CCDC88B: variants seen among roughly 807,000 people sequenced by gnomAD.
The protein encoded by CCDC88B is coiled-coil and HOOK domain protein 88B.
In CCDC88B, 138 loss-of-function variants were observed where a neutral mutation model predicts 183.7. The observed-to-expected ratio is 0.75, with a 90% CI of 0.65 to 0.87. CCDC88B has a LOEUF of 0.87. Among genes scored for constraint, CCDC88B ranks in the 40% least tolerant of loss-of-function variants. CCDC88B has a pLI of 0.00. For missense variants in CCDC88B, 1,822 were observed against 1,965.6 expected, an observed-to-expected ratio of 0.93 and a Z score of 1.38; for synonymous variants, 835 against 867.5, an observed-to-expected ratio of 0.96 and a Z score of 0.66.
intron 15 of CCDC88B, 38 bp downstream of exon 15, chr11:64,349,496 GGGTGT>G: frequency 6.3e-7 from 1 of 1,585,146 alleles, no homozygotes; most frequent in Non-Finnish European, 8.6e-7. Context: ...AGGGAGGCAG[GGGTGT>G]GGTGGGGCGA....
intron 12 of CCDC88B, 35 bp from the exon 13 acceptor site, chr11:64,343,743 A>C: frequency 1.3e-6 from 2 of 1,533,200 alleles, no homozygotes; most frequent in Non-Finnish European, 1.8e-6. Context: ...GCCAGGCAGT[A>C]AAGGAGGGGT....
At position 64,355,441 on chromosome 11, in the gene CCDC88B, C is replaced by G. The variant is rs765364266; in HGVS notation, c.4306+41C>G. On this transcript the variant is annotated intron_variant, in intron 25 of 26. Coordinates refer to ENST00000356786, the MANE Select transcript of CCDC88B (RefSeq NM_032251.6). ...CACTGTACCAGCCAGCCCCCCAACT[C>G]TTTGTGGACCCACCAGCTCCTTGGG... The G allele has an allele frequency of 1.5e-5, 23 of 1,583,090 alleles. No individual in the cohort carries two copies. The South Asian group carries it at 2.4e-4, about 16-fold the overall frequency.
In CCDC88B at chr11:64,353,695, T is replaced by A; in HGVS notation, c.3834-20T>A. On this transcript the variant is annotated intron_variant, in intron 22 of 26. Coordinates refer to ENST00000356786, the MANE Select transcript of CCDC88B (RefSeq NM_032251.6). Reference sequence around the variant, plus strand: ...CCTCCCTGGGCCTCACACCCACCTCTCCCTTCTCACTCCTGCCAGGGACCA... The same window carrying A: ...CCTCCCTGGGCCTCACACCCACCTCACCCTTCTCACTCCTGCCAGGGACCA... 6.2e-7 allele frequency: 1 copy of A among 1,613,350 alleles called. No homozygotes were observed. Among genetic ancestry groups the A allele is most frequent in the Non-Finnish European group, 8.5e-7 (1 of 1,179,640 alleles).
In CCDC88B at chr11:64,357,323, G is replaced by T; in HGVS notation, c.*229G>T. Reference sequence around the variant, plus strand: ...GGCCCCCACGAGCAGCTCCAGGCTGGAGTTCTGGTTCTTCCAGGTGGCTCC... The same window carrying T: ...GGCCCCCACGAGCAGCTCCAGGCTGTAGTTCTGGTTCTTCCAGGTGGCTCC... On this transcript the variant is annotated 3_prime_UTR_variant, in exon 27 of 27. Coordinates refer to ENST00000356786, the MANE Select transcript of CCDC88B (RefSeq NM_032251.6). 1 of 721,736 alleles carries T rather than the reference G, an allele frequency of 1.4e-6. No individual in the cohort carries two copies. Among genetic ancestry groups the T allele is most frequent in the South Asian group, 1.5e-5 (1 of 67,786 alleles). 44.7% of individuals were successfully genotyped at this position (721,736 alleles called of 1,614,324 possible). A position where few individuals can be genotyped will look rare whatever the true frequency, so the allele number is the denominator to read the frequency against.
Position 64,354,134 on chromosome 11 carries a change from A to T in CCDC88B, c.4063A>T (p.Thr1355Ser). 7.3e-7 allele frequency: 1 copy of T among 1,372,716 alleles called. No individual in the cohort carries two copies. Among genetic ancestry groups the T allele is most frequent in the Non-Finnish European group, 9.5e-7 (1 of 1,056,798 alleles). The allele number at this position is 1,372,716 out of a possible 1,614,324, so 85.0% of individuals were successfully genotyped here. ...CGAGAGCCTGGGGGGCCCCCCGGAG[A>T]CGGAGCTTCCTGAGGGCAGGGAGGC... ...STESLGGPPE[T>S]ELPEGREADG... The change falls in exon 24 of 27, where the codon ACG (threonine) becomes TCG (serine). Residue 1355 changes from threonine (T) to serine (S), a missense_variant. Coordinates refer to ENST00000356786, the MANE Select transcript of CCDC88B (RefSeq NM_032251.6).
In CCDC88B at chr11:64,344,890, A is replaced by G. The variant is rs1394244827; in HGVS notation, c.2349A>G (p.Ala783=). 2 of 1,594,864 alleles carry G rather than the reference A, an allele frequency of 1.3e-6. No homozygotes were observed. The highest frequency in any genetic ancestry group is 1.3e-5 in the African/African-American group (1 of 74,600). The change falls in exon 14 of 27, where the codon GCA becomes GCG. Residue 783 remains alanine, a synonymous_variant. Coordinates refer to ENST00000356786, the MANE Select transcript of CCDC88B (RefSeq NM_032251.6). This position sits in a 1 kb window ranked among gnomAD's most constrained non-coding sequence, Gnocchi z 4.5. ...RRAEAEAHRE[A]EAQAWEQARL... is the part of the protein sequence containing the mutation. ...CAGAGGCCGAGGCCCACCGGGAGGC[A>G]GAGGCCCAGGCCTGGGAGCAAGCCC...
Position 64,345,160 on chromosome 11 carries a change from A to G in CCDC88B, c.2616+3A>G. On this transcript the variant is annotated splice_donor_region_variant and intron_variant, in intron 14 of 26. Coordinates refer to ENST00000356786, the MANE Select transcript of CCDC88B (RefSeq NM_032251.6). ...GGGAGAAGGAGGCCCTCCAGGCGGT[A>G]GGTCAGGTTGGGGCTCACCGCTGGG... The G allele has an allele frequency of 6.5e-7, 1 of 1,539,030 alleles. No homozygotes were observed. The highest frequency in any genetic ancestry group is 8.7e-7 in the Non-Finnish European group (1 of 1,148,544).
At chr11:64,345,956 G>C (rs776976896) in intron 14 of CCDC88B, among the ~76,000 whole-genome samples, 4 of 152,230 alleles carry the variant, frequency 2.6e-5, no homozygotes, top group Non-Finnish European at 5.9e-5. Flanking sequence ...AGTGAGCTGA[G>C]ATTGTGCCAC....
intron 14 of CCDC88B, chr11:64,348,802 C>T: frequency 3.4e-6 from 2 of 583,278 alleles, no homozygotes; most frequent in Non-Finnish European, 6.2e-6. Flanking sequence ...GTGGTGCAGC[C>T]CAACCGCCAA....
chr11:64,352,931 T>C, intron 20 of CCDC88B, 44 bp downstream of exon 20: 1 of 1,525,130 alleles, frequency 6.6e-7, no homozygotes. Flanking sequence ...AGTGGCCCCA[T>C]CCTGAAAGTG....
rs763207752 is a variant in CCDC88B at position 64,352,132 on chromosome 11, C to T, written c.3102C>T (p.Ala1034=). 39 of 1,560,204 alleles carry T rather than the reference C, an allele frequency of 2.5e-5. No homozygotes were observed. The highest frequency in any genetic ancestry group is 2.1e-4 in the South Asian group (18 of 84,282). Residue 1034 remains alanine, a splice_region_variant and synonymous_variant, in exon 19 of 27, where the codon GCC becomes GCT. Coordinates refer to ENST00000356786, the MANE Select transcript of CCDC88B (RefSeq NM_032251.6). ...RAQEHSSRLQ[A]EKSVLEIQGQ... The stretch of plus-strand genomic sequence containing the variant: ...CCTGCTTCCCTCCTCCATCCTAGGC[C>T]GAGAAGTCTGTGCTGGAGATTCAGG...
Position 64,344,852 on chromosome 11 carries a change from C to T in CCDC88B, c.2311C>T (p.Gln771Ter). ...EAARLSKELA[Q>*]ARRAEAEAHR... is the part of the protein sequence containing the mutation. ...TGCCCGCCTCTCCAAGGAGCTGGCC[C>T]AAGCGCGAAGGGCAGAGGCCGAGGC... The change falls in exon 14 of 27, where the codon CAA (glutamine) becomes TAA (stop). Residue 771 changes from glutamine to a stop codon, truncating the protein, a stop_gained. Transcript: ENST00000356786. LOFTEE classifies it high-confidence loss of function. This position sits in a 1 kb window ranked among gnomAD's most constrained non-coding sequence, Gnocchi z 4.5. 2 of 1,610,942 alleles carry T rather than the reference C, an allele frequency of 1.2e-6. No individual in the cohort carries two copies. Among genetic ancestry groups the T allele is most frequent in the Non-Finnish European group, 1.7e-6 (2 of 1,178,796 alleles).
rs548514744 is a variant in CCDC88B, at chr11:64,343,313, C to T, written c.1197C>T (p.Gly399=). The T allele has an allele frequency of 1.1e-5, 17 of 1,550,260 alleles. No homozygotes were observed. Among genetic ancestry groups the T allele is most frequent in the Non-Finnish European group, 1.4e-5 (16 of 1,146,810 alleles). ...RENLLLRTRL[G]EAHAELDSLR... ...ACCTGCTGCTGCGAACCCGGCTGGG[C>T]GAGGCCCATGCGGTAAGGTAGCCAG... is the stretch of plus-strand genomic sequence containing the variant. The change falls in exon 11 of 27, where the codon GGC becomes GGT. Residue 399 remains glycine (G), a synonymous_variant. Transcript: ENST00000356786.
At chr11:64,352,490 C>A in intron 19 of CCDC88B, 104 bp downstream of exon 19, 1 of 1,424,986 alleles carries the variant, frequency 7.0e-7, no homozygotes, top group South Asian at 1.4e-5. Flanking sequence ...CCTCCACCTC[C>A]GCTCTGTGAT....
At chr11:64,351,391 C>T in intron 17 of CCDC88B, 85 bp from the exon 18 acceptor site, 1 of 1,536,030 alleles carries the variant, frequency 6.5e-7, no homozygotes, top group Non-Finnish European at 8.8e-7. Flanking sequence ...GTGGGGGTGC[C>T]CCATGCAGTG....
In CCDC88B at chr11:64,344,983, G is replaced by C; in HGVS notation, c.2442G>C (p.Leu814=). The C allele has an allele frequency of 6.5e-7, 1 of 1,548,380 alleles. No homozygotes were observed. Among genetic ancestry groups the C allele is most frequent in the Non-Finnish European group, 8.7e-7 (1 of 1,148,084 alleles). Residue 814 remains leucine (L), a synonymous_variant, in exon 14 of 27, where the codon CTG becomes CTC. Transcript: ENST00000356786. The surrounding 1 kb of genome is among the most constrained non-coding windows in gnomAD (Gnocchi z 4.5). ...CTGCGTCCCAGGAACGGGAGGCGCT[G>C]GTGGAGGCGCTGGCAGCAGCGGGCC... ...LESASQEREA[L]VEALAAAGRE... is the part of the protein sequence containing the mutation.
chr11:64,341,563 C>T (rs746657628), intron 6 of CCDC88B, 36 bp from the exon 7 acceptor site: 2 of 1,609,304 alleles, frequency 1.2e-6, no homozygotes, highest in South Asian at 1.1e-5. Flanking sequence ...CTTGCCACAC[C>T]GCGGCTTCCA....
intron 12 of CCDC88B, 25 bp from the exon 13 acceptor site, chr11:64,343,753 T>G: frequency 6.5e-7 from 1 of 1,545,150 alleles, no homozygotes; most frequent in Non-Finnish European, 8.7e-7. Context: ...AAAGGAGGGG[T>G]CCTGACCTCA....
rs1482311916 is a variant in CCDC88B at position 64,344,960 on chromosome 11, G to T, written c.2419G>T (p.Ala807Ser). Residue 807 changes from alanine to serine, a missense_variant, in exon 14 of 27, where the codon GCG becomes TCG. Physicochemically the swap from Ala to Ser is moderately conservative, Grantham distance 99. Coordinates refer to ENST00000356786, the MANE Select transcript of CCDC88B (RefSeq NM_032251.6). The surrounding 1 kb of genome is among the most constrained non-coding windows in gnomAD (Gnocchi z 4.5). ...VEAAGQELESASQEREALVEA... is the reference protein window; with the variant it reads ...VEAAGQELESSSQEREALVEA... ...GGCTGCTGGCCAGGAGCTGGAGTCTGCGTCCCAGGAACGGGAGGCGCTGGT... is the reference window on the plus strand; with the variant it reads ...GGCTGCTGGCCAGGAGCTGGAGTCTTCGTCCCAGGAACGGGAGGCGCTGGT... 2 of 1,552,446 alleles carry T rather than the reference G, an allele frequency of 1.3e-6. No homozygotes were observed. The highest frequency in any genetic ancestry group is 1.7e-6 in the Non-Finnish European group (2 of 1,149,416).
Sources: gnomAD v4.1 joint callset for allele counts (sites outside exome capture counted in the v4.1 genomes callset) on GRCh38, gnomAD v4.1.1 for gene constraint, Gnocchi (gnomAD v3.1) non-coding constraint, MANE v1.5 for transcripts, NCBI Gene and HGNC (gene_info 2026-07-23, HGNC 2026-07-21) for gene names.